Variants in LRMDA observed in about 807,000 individuals in gnomAD.
LRMDA encodes the protein leucine rich melanocyte differentiation associated, also known as leucine-rich melanocyte differentiation-associated protein.
LRMDA carries 18 observed loss-of-function variants against 29.8 expected under a neutral mutation model. The ratio of observed to expected loss-of-function variants is 0.60; its 90% CI spans 0.42 to 0.90. The LOEUF is 0.90. Ranked by LOEUF, LRMDA falls within the 40% of genes least tolerant of loss-of-function variation. LRMDA has a pLI of 0.00. For missense variants in LRMDA, 273 were observed against 273.9 expected (o/e 1.00, Z 0.02); for synonymous variants, 125 against 109.4 (o/e 1.14, Z -0.89).
intron 6 of LRMDA, among the ~76,000 whole-genome samples, chr10:76,401,139 A>T (rs1841843491): frequency 1.3e-5 from 2 of 152,066 alleles, no homozygotes. Flanking sequence ...TCATCTTTCC[A>T]TGCCCTTGAG....
At chr10:75,662,727 T>C (rs976822956) in intron 2 of LRMDA, among the ~76,000 whole-genome samples, 1 of 152,238 alleles carries the variant, frequency 6.6e-6, no homozygotes, top group Non-Finnish European at 1.5e-5. Flanking sequence ...TGTTGATTTA[T>C]GAAGTGAAAA....
rs563140588 is a variant in LRMDA, at chr10:75,450,692, T to C, written c.131+12198T>C. 3.9e-5 allele frequency: 6 copies of C among 152,326 alleles called. No homozygotes were observed. The South Asian group carries it at 1.2e-3, about 32-fold the overall frequency. 9.4% of individuals were successfully genotyped at this position (152,326 alleles called of 1,614,324 possible). On this transcript the variant is annotated intron_variant, in intron 2 of 6. Transcript: ENST00000611255. The stretch of plus-strand genomic sequence containing the variant: ...CCCATAATTGGGTAACTCTTAATAG[T>C]AGCAATTGCATATTTATCAGTGTGA...
intron 6 of LRMDA, among the ~76,000 whole-genome samples, chr10:76,343,479 C>G (rs982747447): frequency 6.6e-6 from 1 of 152,138 alleles, no homozygotes; most frequent in Non-Finnish European, 1.5e-5. Context: ...TTAGGATACT[C>G]ATTTATTTAC....
intron 5 of LRMDA, among the ~76,000 whole-genome samples, chr10:76,120,763 T>A (rs1849771353): frequency 6.6e-6 from 1 of 151,888 alleles, no homozygotes; most frequent in Non-Finnish European, 1.5e-5. Context: ...TTTATGTGAG[T>A]GAGGTAAAAT....
intron 2 of LRMDA, among the ~76,000 whole-genome samples, chr10:75,926,525 T>A (rs149731391): frequency 2.2e-4 from 33 of 152,290 alleles, no homozygotes; most frequent in African/African-American, 6.5e-4. Context: ...AGAAGCCGGG[T>A]GGCAGCCCGC....
intron 5 of LRMDA, among the ~76,000 whole-genome samples, chr10:76,245,276 T>G (rs1852353830): frequency 6.6e-6 from 1 of 152,108 alleles, no homozygotes; most frequent in African/African-American, 2.4e-5. Context: ...CTGGTCCTAT[T>G]GAGGATCCTG....
At chr10:75,800,092 C>G (rs1052820812) in intron 2 of LRMDA, among the ~76,000 whole-genome samples, 1 of 152,038 alleles carries the variant, frequency 6.6e-6, no homozygotes, top group African/African-American at 2.4e-5. Context: ...TTTCCATTTG[C>G]TGTTAAGACC....
intron 2 of LRMDA, among the ~76,000 whole-genome samples, chr10:75,808,666 T>C (rs533896588): frequency 5.3e-5 from 8 of 152,024 alleles, no homozygotes; most frequent in Admixed American, 1.3e-4. Context: ...TGCACCACCA[T>C]GCGCAGCTAA....
chr10:76,433,705 T>A (rs888843035), intron 6 of LRMDA: 6 of 152,228 alleles, frequency 3.9e-5, no homozygotes, highest in Non-Finnish European at 7.3e-5. Flanking sequence ...CTGGTTTGTG[T>A]TTTCCTCTAG....
intron 6 of LRMDA, among the ~76,000 whole-genome samples, chr10:76,454,761 G>T (rs899003732): frequency 6.6e-6 from 1 of 152,100 alleles, no homozygotes; most frequent in Non-Finnish European, 1.5e-5. Context: ...GTAATCTCCT[G>T]ACTTTACAGA....
At chr10:76,480,331 A>C (rs947184488) in intron 6 of LRMDA, among the ~76,000 whole-genome samples, 1 of 151,928 alleles carries the variant, frequency 6.6e-6, no homozygotes, top group Non-Finnish European at 1.5e-5. Context: ...GTTGCACCAA[A>C]ATTTATTATC....
chr10:76,293,686 A>G (rs952094062), intron 5 of LRMDA, among the ~76,000 whole-genome samples: 37 of 152,362 alleles, frequency 2.4e-4, no homozygotes, highest in African/African-American at 8.2e-4. Context: ...CAAAGGCCAC[A>G]TGTGGCAGAG....
chr10:75,454,148 A>G (rs1844489556), intron 2 of LRMDA, among the ~76,000 whole-genome samples: 1 of 152,170 alleles, frequency 6.6e-6, no homozygotes, highest in African/African-American at 2.4e-5. Flanking sequence ...ATAGGGCAGG[A>G]CGCTTCTGGA....
chr10:75,813,306 C>G (rs996381480), intron 2 of LRMDA, among the ~76,000 whole-genome samples: 14 of 152,184 alleles, frequency 9.2e-5, no homozygotes. Context: ...GAGTTGCTTC[C>G]AGTGCCGACC....
chr10:75,894,214 G>A (rs1329122024), intron 2 of LRMDA, among the ~76,000 whole-genome samples: 2 of 150,666 alleles, frequency 1.3e-5, no homozygotes, highest in South Asian at 4.2e-4. Context: ...AAATTCCATT[G>A]TATCATTCTT....
intron 5 of LRMDA, among the ~76,000 whole-genome samples, chr10:76,142,837 C>T (rs1589347072): frequency 2.0e-5 from 3 of 150,448 alleles, no homozygotes; most frequent in Admixed American, 6.6e-5. Flanking sequence ...GCTATCCTTC[C>T]CCCCTCCCCC....
At chr10:76,008,622 C>T (rs974988110) in intron 2 of LRMDA, among the ~76,000 whole-genome samples, 3 of 152,268 alleles carry the variant, frequency 2.0e-5, no homozygotes, top group African/African-American at 7.2e-5. Context: ...ACCGGGTACA[C>T]ACTCCCATGG....
chr10:76,298,951 T>C (rs184734933), intron 5 of LRMDA, among the ~76,000 whole-genome samples: 19 of 152,290 alleles, frequency 1.2e-4, no homozygotes, highest in Admixed American at 1.2e-3. Flanking sequence ...CTCCAAAAAC[T>C]TGGGGAGTGG....
chr10:76,387,085 T>G (rs1199409477), intron 6 of LRMDA, among the ~76,000 whole-genome samples: 1 of 152,206 alleles, frequency 6.6e-6, no homozygotes, highest in East Asian at 1.9e-4. Flanking sequence ...ACATCTTTCT[T>G]TTTAGAAGTA....
Sources: allele counts gnomAD v4.1 joint callset (sites outside exome capture counted in the v4.1 genomes callset), GRCh38; gene constraint gnomAD v4.1.1; transcripts MANE v1.5; gene names NCBI Gene and HGNC (gene_info 2026-07-23, HGNC 2026-07-21).